GALNT5: variants seen among roughly 807,000 people sequenced by gnomAD.
The protein encoded by GALNT5 is UDP-GalNAc:polypeptide N-acetylgalactosaminyltransferase 5.
GALNT5 carries 72 observed loss-of-function variants against 85.4 expected under a neutral mutation model. That is an observed-to-expected ratio of 0.84 (90% CI 0.70 to 1.03). The LOEUF (loss-of-function observed/expected upper bound fraction) is 1.03. GALNT5 is among the 50% of genes least tolerant of loss of function. The pLI is 0.00. For synonymous variants in GALNT5, 404 were observed against 397.0 expected (o/e 1.02, Z -0.21); for missense variants, 1,137 against 1,135.5 (o/e 1.00, Z -0.02).
chr2:157,296,878 A>G (rs886794284), intron 5 of GALNT5, among the ~76,000 whole-genome samples: 5 of 152,240 alleles, frequency 3.3e-5, no homozygotes, highest in African/African-American at 7.2e-5. Context: ...GGTAATAGAA[A>G]TATCATTCTA....
At chr2:157,267,980 G>C (rs1682493283) in intron 1 of GALNT5, among the ~76,000 whole-genome samples, 1 of 152,164 alleles carries the variant, frequency 6.6e-6, no homozygotes, top group African/African-American at 2.4e-5. Context: ...AAAATCCCAG[G>C]CAGAGCTCTT....
At chr2:157,310,848 G>A (rs1683553309) in intron 9 of GALNT5, among the ~76,000 whole-genome samples, 1 of 152,016 alleles carries the variant, frequency 6.6e-6, no homozygotes, top group African/African-American at 2.4e-5. Flanking sequence ...TTTTGTTACG[G>A]TATGTATTCT....
chr2:157,279,183 C>T, intron 1 of GALNT5, among the ~76,000 whole-genome samples: 1 of 152,192 alleles, frequency 6.6e-6, no homozygotes, highest in East Asian at 1.9e-4. Context: ...CTGATCCTTC[C>T]TCTGCCTGAA....
At position 157,311,500 on chromosome 2, in the gene GALNT5, C is replaced by A; in HGVS notation, c.*152C>A. On this transcript the variant is annotated 3_prime_UTR_variant, in exon 10 of 10. Transcript: ENST00000259056. ...TTATAAATCACAATATTTGGAATAC[C>A]AAAAGATGACTCAGGAAAACAGTCC... 1 of 574,218 alleles carries A rather than the reference C, an allele frequency of 1.7e-6. No homozygotes were observed. The highest frequency in any genetic ancestry group is 2.9e-6 in the Non-Finnish European group (1 of 342,174). The allele number at this position is 574,218 out of a possible 1,614,324, so 35.6% of individuals were successfully genotyped here.
chr2:157,269,796 G>A (rs1682541337), intron 1 of GALNT5, among the ~76,000 whole-genome samples: 3 of 152,084 alleles, frequency 2.0e-5, no homozygotes, highest in Admixed American at 1.3e-4. Context: ...TCATTTGCAT[G>A]AGCCTGCTTA....
At position 157,295,770 on chromosome 2, in the gene GALNT5, A is replaced by G; in HGVS notation, c.1849A>G (p.Ile617Val). 1 of 1,608,626 alleles carries G rather than the reference A, an allele frequency of 6.2e-7. No homozygotes were observed. The highest frequency in any genetic ancestry group is 8.5e-7 in the Non-Finnish European group (1 of 1,175,294). ...TAGAAAGAAAGTGGCCTGTCCAGTA[A>G]TCGAAGTCATCAATGATAAGGATAT... ...LSRKKVACPV[I>V]EVINDKDMSY... is the part of the protein sequence containing the mutation. Residue 617 changes from isoleucine to valine, a missense_variant, in exon 4 of 10, where the codon ATC becomes GTC. Transcript: ENST00000259056.
Position 157,269,792 on chromosome 2 carries a change from G to A in GALNT5, c.1454+10256G>A, listed in dbSNP as rs1682541141. Among the ~76,000 whole-genome samples the A allele has an allele frequency of 2.6e-5, 4 of 152,182 alleles. No homozygotes were observed. In the South Asian group the frequency reaches 8.3e-4, roughly 32 times the overall value. ...ATTTAAAATATAGGAAGAGTCATTT[G>A]CATGAGCCTGCTTAGTTAACTCCTC... On this transcript the variant is annotated intron_variant, in intron 1 of 9. Transcript: ENST00000259056.
At position 157,317,202 on chromosome 2, in the gene GALNT5, T is replaced by A. The variant is rs1209134848; in HGVS notation, c.*5854T>A. On this transcript the variant is annotated 3_prime_UTR_variant, in exon 10 of 10. Transcript: ENST00000259056. ...TATATATATATATATATATATATTT[T>A]TTTTTTTGATGCTTTGATCTGGAAG... Among the ~76,000 whole-genome samples the A allele has an allele frequency of 3.8e-3, 553 of 145,630 alleles. No individual in the cohort carries two copies. The highest frequency in any genetic ancestry group is 4.6e-3 in the African/African-American group (187 of 40,266).
chr2:157,303,758 G>A lies in GALNT5; in HGVS notation c.2440-1991G>A, dbSNP rs180975382. On this transcript the variant is annotated intron_variant, in intron 7 of 9. Transcript: ENST00000259056. ...TTCAGGTCAAATGAGGGAGGGACAT[G>A]TAAGGGACAGAAAAGTTTTATCTTT... is the stretch of plus-strand genomic sequence containing the variant. Among the ~76,000 whole-genome samples, 5 of 152,298 alleles carry A rather than the reference G, an allele frequency of 3.3e-5. No individual in the cohort carries two copies. The East Asian group carries it at 9.6e-4, about 29-fold the overall frequency.
rs1682243204 is a variant in GALNT5 at position 157,258,442 on chromosome 2, G to A, written c.360G>A (p.Arg120=). 1 of 1,607,610 alleles carries A rather than the reference G, an allele frequency of 6.2e-7. No individual in the cohort carries two copies. Among genetic ancestry groups the A allele is most frequent in the Non-Finnish European group, 8.5e-7 (1 of 1,177,838 alleles). The change falls in exon 1 of 10, where the codon AGG becomes AGA. Residue 120 remains arginine, a synonymous_variant. Transcript: ENST00000259056. The part of the protein sequence containing the change: ...RERKMQNALG[R]GKVVPLWHPA... ...GAAAAATGCAGAATGCCCTGGGAAGGGGCAAGGTTGTGCCGTTGTGGCATC... is the reference window on the plus strand; with the variant it reads ...GAAAAATGCAGAATGCCCTGGGAAGAGGCAAGGTTGTGCCGTTGTGGCATC...
intron 2 of GALNT5, among the ~76,000 whole-genome samples, chr2:157,285,452 G>A (rs1041590640): frequency 2.0e-5 from 3 of 152,124 alleles, no homozygotes; most frequent in Non-Finnish European, 4.4e-5. Context: ...GCTGTCAATA[G>A]CTTGATTACA....
chr2:157,277,584 T>C (rs1682762072), intron 1 of GALNT5, among the ~76,000 whole-genome samples: 1 of 152,178 alleles, frequency 6.6e-6, no homozygotes, highest in African/African-American at 2.4e-5. Flanking sequence ...ATGGCCTTCT[T>C]TGTCTCTTTT....
intron 8 of GALNT5, 58 bp downstream of exon 8, chr2:157,305,887 C>G: frequency 1.1e-6 from 1 of 879,600 alleles, no homozygotes; most frequent in Non-Finnish European, 1.9e-6. Context: ...ATGACACATT[C>G]ATTGCTCAAC....
chr2:157,288,502 T>A (rs1300358813), intron 3 of GALNT5, among the ~76,000 whole-genome samples: 2 of 152,216 alleles, frequency 1.3e-5, no homozygotes, highest in African/African-American at 4.8e-5. Context: ...AGTACAAATG[T>A]CCTAATGAAG....
At chr2:157,282,686 A>G (rs1442241979) in intron 1 of GALNT5, among the ~76,000 whole-genome samples, 3 of 152,210 alleles carry the variant, frequency 2.0e-5, no homozygotes, top group African/African-American at 7.2e-5. Context: ...ATCAGTAATT[A>G]GAAAAACTGA....
chr2:157,276,041 A>G (rs1198181007), intron 1 of GALNT5, among the ~76,000 whole-genome samples: 1 of 152,104 alleles, frequency 6.6e-6, no homozygotes, highest in Non-Finnish European at 1.5e-5. Context: ...GGGCTGTTGA[A>G]TTTTGTCAAA....
At chr2:157,285,889 A>T in intron 2 of GALNT5, 126 bp from the exon 3 acceptor site, 1 of 630,924 alleles carries the variant, frequency 1.6e-6, no homozygotes. Flanking sequence ...ATTATGACCC[A>T]AGGAATAAAA....
intron 1 of GALNT5, among the ~76,000 whole-genome samples, chr2:157,279,917 G>A (rs1219271913): frequency 1.3e-5 from 2 of 152,176 alleles, no homozygotes; most frequent in African/African-American, 4.8e-5. Context: ...GCTGGGAGCT[G>A]CAGATCGGAG....
At position 157,258,216 on chromosome 2, in the gene GALNT5, T is replaced by C; in HGVS notation, c.134T>C (p.Ile45Thr). The C allele has an allele frequency of 6.2e-7, 1 of 1,613,784 alleles. No individual in the cohort carries two copies. Among genetic ancestry groups the C allele is most frequent in the Non-Finnish European group, 8.5e-7 (1 of 1,179,938 alleles). ...TTCAGTGAGATCAACACTCGGGTCATCAAGGAAGACATTGTGAGGAGGGAG... is the reference window on the plus strand; with the variant it reads ...TTCAGTGAGATCAACACTCGGGTCACCAAGGAAGACATTGTGAGGAGGGAG... ...LSFSEINTRV[I>T]KEDIVRRERI... Residue 45 changes from isoleucine to threonine, a missense_variant, in exon 1 of 10, where the codon ATC (isoleucine) becomes ACC (threonine). By Grantham distance (89) the Ile-to-Thr change is moderately conservative. Coordinates refer to ENST00000259056, the MANE Select transcript of GALNT5 (RefSeq NM_014568.3).
Sources: gnomAD v4.1 joint callset for allele counts (sites outside exome capture counted in the v4.1 genomes callset) on GRCh38, gnomAD v4.1.1 for gene constraint, MANE v1.5 for transcripts, NCBI Gene and HGNC (gene_info 2026-07-23, HGNC 2026-07-21) for gene names.